ZRANB1: variants seen among roughly 807,000 people sequenced by gnomAD.
The protein encoded by ZRANB1 is zinc finger RANBP2-type containing 1, also known as ubiquitin thioesterase ZRANB1.
Under a neutral mutation model 80.5 loss-of-function variants are expected in ZRANB1, and 16 were observed. The ratio of observed to expected loss-of-function variants is 0.20; its 90% CI spans 0.13 to 0.30. The LOEUF (loss-of-function observed/expected upper bound fraction) is 0.30. Ranked by LOEUF, ZRANB1 falls within the 10% of genes least tolerant of loss-of-function variation. The pLI is 1.00. For missense variants in ZRANB1, 576 were observed against 862.6 expected, an observed-to-expected ratio of 0.67 and a Z score of 4.16; for synonymous variants, 291 against 293.1, an observed-to-expected ratio of 0.99 and a Z score of 0.07.
upstream of ZRANB1, among the ~76,000 whole-genome samples, chr10:124,939,033 T>C (rs965131908): frequency 2.0e-5 from 3 of 151,894 alleles, no homozygotes; most frequent in Non-Finnish European, 2.9e-5. Flanking sequence ...AAAAATTGGC[T>C]GGGCATGGTG....
At position 124,983,588 on chromosome 10, in the gene ZRANB1, G is replaced by A; in HGVS notation, c.1808G>A (p.Gly603Asp). Reference protein sequence around the residue: ...ENDGYGNRGAGANLNTDDDVT... With the variant: ...ENDGYGNRGADANLNTDDDVT... ...GATGGCTATGGCAACCGAGGTGCTG[G>A]TGCTAATCTCAATACCGATGATGAT... Residue 603 changes from glycine to aspartate, a missense_variant, in exon 8 of 9, where the codon GGT becomes GAT. Coordinates refer to ENST00000359653, the MANE Select transcript of ZRANB1 (RefSeq NM_017580.3). The surrounding 1 kb of genome is among the most constrained non-coding windows in gnomAD (Gnocchi z 6.2). 1 of 1,614,102 alleles carries A rather than the reference G, an allele frequency of 6.2e-7. No individual in the cohort carries two copies. The highest frequency in any genetic ancestry group is 1.3e-5 in the African/African-American group (1 of 75,034).
intron 1 of ZRANB1, among the ~76,000 whole-genome samples, chr10:124,963,558 T>G (rs866146014): frequency 3.0e-3 from 343 of 113,208 alleles, no homozygotes; most frequent in South Asian, 9.9e-3. Flanking sequence ...TTGTTTGTTT[T>G]TTTTTTTTTT....
chr10:124,971,651 C>T (rs1312549799), intron 2 of ZRANB1, among the ~76,000 whole-genome samples: 1 of 152,162 alleles, frequency 6.6e-6, no homozygotes, highest in Non-Finnish European at 1.5e-5. Context: ...GGTTTTCTGT[C>T]CTCTCTCCTC....
chr10:124,971,353 C>T (rs1367856526), intron 2 of ZRANB1, among the ~76,000 whole-genome samples: 1 of 152,186 alleles, frequency 6.6e-6, no homozygotes, highest in African/African-American at 2.4e-5. Context: ...CAGTAGTGCT[C>T]CCATCTCACT....
At chr10:124,963,361 TC>T (rs1408948225) in intron 1 of ZRANB1, among the ~76,000 whole-genome samples, 1 of 151,694 alleles carries the variant, frequency 6.6e-6, no homozygotes, top group Non-Finnish European at 1.5e-5. Flanking sequence ...GATTATCTTC[TC>T]TTGGAACTTT....
Position 124,983,960 on chromosome 10 carries a change from G to C in ZRANB1, c.1908+272G>C, listed in dbSNP as rs528026319. On this transcript the variant is annotated intron_variant, in intron 8 of 8. Coordinates refer to ENST00000359653, the MANE Select transcript of ZRANB1 (RefSeq NM_017580.3). This position sits in a 1 kb window ranked among gnomAD's most constrained non-coding sequence, Gnocchi z 6.2. ...AATATGGCATTTTAGGGAATGAGAAGTGAGTTTTTATCTGAAAGCAGAGTT... is the reference window on the plus strand; with the variant it reads ...AATATGGCATTTTAGGGAATGAGAACTGAGTTTTTATCTGAAAGCAGAGTT... Among the ~76,000 whole-genome samples, 1 of 152,194 alleles carries C rather than the reference G, an allele frequency of 6.6e-6. No individual in the cohort carries two copies. The highest frequency in any genetic ancestry group is 2.4e-5 in the African/African-American group (1 of 41,448).
At chr10:124,963,123 A>T (rs574268309) in intron 1 of ZRANB1, among the ~76,000 whole-genome samples, 8 of 151,916 alleles carry the variant, frequency 5.3e-5, no homozygotes, top group African/African-American at 1.9e-4. Flanking sequence ...AAAATTAGCT[A>T]GGTGTGGTGG....
chr10:124,983,455 C>T lies in ZRANB1; in HGVS notation c.1679-4C>T, dbSNP rs1363132660. Reference sequence around the variant, plus strand: ...TGTTGGGATTTTCTTCCCTCTCTTTCCAGGTGTTTATCTGCCTTTGTTGTG... The same window carrying T: ...TGTTGGGATTTTCTTCCCTCTCTTTTCAGGTGTTTATCTGCCTTTGTTGTG... On this transcript the variant is annotated splice_polypyrimidine_tract_variant and splice_region_variant and intron_variant, in intron 7 of 8. Coordinates refer to ENST00000359653, the MANE Select transcript of ZRANB1 (RefSeq NM_017580.3). This position sits in a 1 kb window ranked among gnomAD's most constrained non-coding sequence, Gnocchi z 6.2. 1.2e-6 allele frequency: 2 copies of T among 1,607,708 alleles called. No homozygotes were observed. Among genetic ancestry groups the T allele is most frequent in the Admixed American group, 1.7e-5 (1 of 59,734 alleles).
chr10:124,969,025 C>A (rs118046143), intron 2 of ZRANB1, among the ~76,000 whole-genome samples: 2 of 152,290 alleles, frequency 1.3e-5, no homozygotes, highest in East Asian at 3.9e-4. Context: ...AAAGACTCAA[C>A]TGGGGCTAGA....
chr10:124,932,281 ATTTTTTTTTTTTTT>A, the ZRANB1 span, among the ~76,000 whole-genome samples: 4 of 115,282 alleles, frequency 3.5e-5, no homozygotes, highest in Non-Finnish European at 3.4e-5. Flanking sequence ...GGGTGTAAAG[ATTTTTTTTTTTTTT>A]TTTTTTTTTT....
In ZRANB1 at chr10:124,974,284, G is replaced by C; in HGVS notation, c.1313G>C (p.Arg438Pro). ...AGTCGACTGTATGCACTTTGGAACC[G>C]GACTGCAGGAGACTGCCTACTTGAT... ...LDSRLYALWNRTAGDCLLDSV... is the reference protein window; with the variant it reads ...LDSRLYALWNPTAGDCLLDSV... The change falls in exon 5 of 9, where the codon CGG becomes CCG. Residue 438 changes from arginine (R) to proline (P), a missense_variant. Arg to Pro is a moderately radical substitution (Grantham distance 103). Coordinates refer to ENST00000359653, the MANE Select transcript of ZRANB1 (RefSeq NM_017580.3). The C allele has an allele frequency of 6.2e-7, 1 of 1,614,204 alleles. No homozygotes were observed. Among genetic ancestry groups the C allele is most frequent in the Admixed American group, 1.7e-5 (1 of 60,020 alleles).
rs78159028 is a variant in ZRANB1 at position 124,987,196 on chromosome 10, G to C, written c.*2204G>C. ...CAGCCATAATTATTGTCCCAAGATA[G>C]AATATAGTCCTTTTTCAAAGATGAT... On this transcript the variant is annotated 3_prime_UTR_variant, in exon 9 of 9. Transcript: ENST00000359653. The C allele has an allele frequency of 0.037, 5,666 of 152,544 alleles. 198 individuals are homozygous for C. Among genetic ancestry groups the C allele is most frequent in the Non-Finnish European group, 0.048 (3,281 of 67,984 alleles). The allele number at this position is 152,544 out of a possible 1,614,324, so 9.4% of individuals were successfully genotyped here.
chr10:124,973,597 T>C (rs754820503), intron 3 of ZRANB1, 48 bp from the exon 4 acceptor site: 2 of 1,509,502 alleles, frequency 1.3e-6, no homozygotes, highest in East Asian at 4.5e-5. Flanking sequence ...ATAAGTTAAG[T>C]GTAAGTTATG....
the ZRANB1 span, among the ~76,000 whole-genome samples, chr10:124,927,197 C>T: frequency 1.2e-4 from 19 of 152,118 alleles, no homozygotes; most frequent in African/African-American, 4.1e-4. Context: ...TCTCGTGATC[C>T]GCCCGCCTCG....
chr10:124,979,826 A>G (rs1589856085), intron 5 of ZRANB1, among the ~76,000 whole-genome samples: 1 of 152,238 alleles, frequency 6.6e-6, no homozygotes, highest in African/African-American at 2.4e-5. Context: ...TTAGTTGACC[A>G]TAAAAGTAAG....
chr10:124,960,356 A>C (rs1951722891), intron 1 of ZRANB1, among the ~76,000 whole-genome samples: 1 of 152,236 alleles, frequency 6.6e-6, no homozygotes, highest in Admixed American at 6.5e-5. Flanking sequence ...AGAAGAATTA[A>C]ATGTATATAA....
rs1564969280 is a variant in ZRANB1 at position 124,983,325 on chromosome 10, G to A, written c.1678+21G>A. On this transcript the variant is annotated intron_variant, in intron 7 of 8. Transcript: ENST00000359653. This position sits in a 1 kb window ranked among gnomAD's most constrained non-coding sequence, Gnocchi z 6.2. ...TCAAGGTAAGCCATTATTCAGGAAC[G>A]TTTTACAAGTTTCTTTGAACGGAAT... 6.2e-7 allele frequency: 1 copy of A among 1,611,806 alleles called. No individual in the cohort carries two copies.
At chr10:124,974,487 T>C in intron 5 of ZRANB1, 89 bp downstream of exon 5, 2 of 1,348,664 alleles carry the variant, frequency 1.5e-6, no homozygotes, top group Admixed American at 2.0e-5. Flanking sequence ...ATGTCAGTTA[T>C]ATTTTCTATG....
At chr10:124,944,923 T>C (rs749750360) in intron 1 of ZRANB1, among the ~76,000 whole-genome samples, 1 of 152,052 alleles carries the variant, frequency 6.6e-6, no homozygotes, top group Non-Finnish European at 1.5e-5. Context: ...ATCCTGAGGA[T>C]GAGGGGATGA....
Sources: allele counts gnomAD v4.1 joint callset (sites outside exome capture counted in the v4.1 genomes callset), GRCh38; gene constraint gnomAD v4.1.1; non-coding constraint Gnocchi (gnomAD v3.1); transcripts MANE v1.5; gene names NCBI Gene and HGNC (gene_info 2026-07-23, HGNC 2026-07-21).